KCNQ1OT1: variants seen among roughly 807,000 people sequenced by gnomAD.
KCNQ1OT1 encodes KCNQ1 opposite strand/antisense transcript 1.
In KCNQ1OT1 at chr11:2,642,757, A is replaced by G. The variant is rs1849599814; in HGVS notation, n.57238T>C. On this transcript the variant is annotated non_coding_transcript_exon_variant, in exon 1 of 1. Coordinates refer to ENST00000597346, the Ensembl canonical transcript of KCNQ1OT1. This position sits in a 1 kb window ranked among gnomAD's most constrained non-coding sequence, Gnocchi z 4.3. The stretch of plus-strand genomic sequence containing the variant: ...CTGGTTCCTTCAGGTGTATCATTAG[A>G]TTATTTAAGATCTTTTCTACCTTTT... 2.5e-6 allele frequency: 1 copy of G among 397,398 alleles called. No homozygotes were observed. The highest frequency in any genetic ancestry group is 4.4e-6 in the Non-Finnish European group (1 of 225,558). The allele number at this position is 397,398 out of a possible 1,614,324, so 24.6% of individuals were successfully genotyped here.
At chr11:2,634,096 G>A in exon 1 of KCNQ1OT1, 1 of 394,256 alleles carries the variant, frequency 2.5e-6, no homozygotes, top group Non-Finnish European at 4.4e-6. Flanking sequence ...CAAGTTTAAG[G>A]ATTGTGTTTT....
chr11:2,675,821 C>T, exon 1 of KCNQ1OT1: 2 of 398,722 alleles, frequency 5.0e-6, no homozygotes, highest in Non-Finnish European at 8.8e-6. Context: ...TGCAGGGCTG[C>T]ACACTGCCCT....
Position 2,699,012 on chromosome 11 carries a change from A to G in KCNQ1OT1, n.983T>C, listed in dbSNP as rs1850725299. ...CCGATCCTAATTCGGGCCCTGACTC[A>G]GAACCACTAAGTGGATTTCCGACTC... On this transcript the variant is annotated non_coding_transcript_exon_variant, in exon 1 of 1. Coordinates refer to ENST00000597346, the Ensembl canonical transcript of KCNQ1OT1. 7 of 398,636 alleles carry G rather than the reference A, an allele frequency of 1.8e-5. No homozygotes were observed. In the East Asian group the frequency reaches 2.5e-4, roughly 14 times the overall value. The allele number at this position is 398,636 out of a possible 1,614,324, so 24.7% of individuals were successfully genotyped here.
In KCNQ1OT1 at chr11:2,669,861, A is replaced by G. The variant is rs1023958852; in HGVS notation, n.30134T>C. ...CATGGGATACAAATGGGGTCACAAC[A>G]TATGGCTGTCAGCTGCTGTCCTTAA... On this transcript the variant is annotated non_coding_transcript_exon_variant, in exon 1 of 1. Transcript: ENST00000597346. This position sits in a 1 kb window ranked among gnomAD's most constrained non-coding sequence, Gnocchi z 5.6. 7.5e-6 allele frequency: 3 copies of G among 398,544 alleles called. No individual in the cohort carries two copies. Among genetic ancestry groups the G allele is most frequent in the African/African-American group, 2.1e-5 (1 of 48,644 alleles). 24.7% of individuals were successfully genotyped at this position (398,544 alleles called of 1,614,324 possible). A position where few individuals can be genotyped will look rare whatever the true frequency, so the allele number is the denominator to read the frequency against.
At chr11:2,632,876 A>G in exon 1 of KCNQ1OT1, 1 of 398,472 alleles carries the variant, frequency 2.5e-6, no homozygotes, top group Non-Finnish European at 4.4e-6. Context: ...ACTGCAATAA[A>G]CATGAGAATG....
At position 2,678,615 on chromosome 11, in the gene KCNQ1OT1, A is replaced by G. The variant is rs1422212982; in HGVS notation, n.21380T>C. The G allele has an allele frequency of 2.0e-5, 8 of 398,332 alleles. No homozygotes were observed. Among genetic ancestry groups the G allele is most frequent in the Admixed American group, 4.4e-5 (1 of 22,692 alleles). 24.7% of individuals were successfully genotyped at this position (398,332 alleles called of 1,614,324 possible). A position where few individuals can be genotyped will look rare whatever the true frequency, so the allele number is the denominator to read the frequency against. ...TGTAGCAGGACTCCCCCTCATCTCC[A>G]TTACTTAAGAGCCAATAATGGGAAG... is the stretch of plus-strand genomic sequence containing the variant. On this transcript the variant is annotated non_coding_transcript_exon_variant, in exon 1 of 1. Coordinates refer to ENST00000597346, the Ensembl canonical transcript of KCNQ1OT1. The surrounding 1 kb of genome is among the most constrained non-coding windows in gnomAD (Gnocchi z 4.9).
exon 1 of KCNQ1OT1, chr11:2,616,099 G>A (rs1300876361): frequency 2.0e-5 from 8 of 397,748 alleles, no homozygotes; most frequent in African/African-American, 8.2e-5. Flanking sequence ...TTGTGAATTC[G>A]TCCATCTTAT....
exon 1 of KCNQ1OT1, chr11:2,646,889 G>A: frequency 2.5e-6 from 1 of 398,526 alleles, no homozygotes. Context: ...AAAAGATTTT[G>A]GTGGAATCTT....
exon 1 of KCNQ1OT1, chr11:2,672,088 C>A: frequency 2.5e-6 from 1 of 398,728 alleles, no homozygotes; most frequent in Non-Finnish European, 4.4e-6. Flanking sequence ...GACTGAGCAG[C>A]TGTCTTCTGC....
rs539625801 is a variant in KCNQ1OT1 at position 2,677,565 on chromosome 11, T to C, written n.22430A>G. 26 of 398,630 alleles carry C rather than the reference T, an allele frequency of 6.5e-5. No homozygotes were observed. The South Asian group carries it at 3.1e-3, about 47-fold the overall frequency. 24.7% of individuals were successfully genotyped at this position (398,630 alleles called of 1,614,324 possible). Reference sequence around the variant, plus strand: ...AAAGATGCCCTCAGATGTTACCATATAATGCTTTACAAAAGACAAACCAAA... The same window carrying C: ...AAAGATGCCCTCAGATGTTACCATACAATGCTTTACAAAAGACAAACCAAA... On this transcript the variant is annotated non_coding_transcript_exon_variant, in exon 1 of 1. Coordinates refer to ENST00000597346, the Ensembl canonical transcript of KCNQ1OT1. This position sits in a 1 kb window ranked among gnomAD's most constrained non-coding sequence, Gnocchi z 4.5.
exon 1 of KCNQ1OT1, chr11:2,649,761 G>A (rs75662585): frequency 2.5e-5 from 10 of 398,340 alleles, no homozygotes; most frequent in African/African-American, 1.0e-4. Flanking sequence ...TGATGAAAAT[G>A]TGCCTCAGAG....
In KCNQ1OT1 at chr11:2,622,477, A is replaced by G. The variant is rs151229755; in HGVS notation, n.77518T>C. The G allele has an allele frequency of 2.6e-4, 104 of 398,368 alleles. No individual in the cohort carries two copies. The highest frequency in any genetic ancestry group is 1.3e-3 in the Middle Eastern group (2 of 1,584). The allele number at this position is 398,368 out of a possible 1,614,324, so 24.7% of individuals were successfully genotyped here. On this transcript the variant is annotated non_coding_transcript_exon_variant, in exon 1 of 1. Transcript: ENST00000597346. ...AGTTTGTTATATACAGCATAGGTTG[A>G]TGGTTTTCTTTTAAATCCATTCTGC... is the stretch of plus-strand genomic sequence containing the variant.
In KCNQ1OT1 at chr11:2,616,951, T is replaced by C. The variant is rs1457089118; in HGVS notation, n.83044A>G. The stretch of plus-strand genomic sequence containing the variant: ...TATTGGGCTTCTGTCTGGCTGTACA[T>C]TATCTTGTTGTGTTTTTTTTTTTTA... On this transcript the variant is annotated non_coding_transcript_exon_variant, in exon 1 of 1. Transcript: ENST00000597346. The C allele has an allele frequency of 3.1e-5, 12 of 381,194 alleles. No individual in the cohort carries two copies. The Admixed American group carries it at 4.5e-4, about 14-fold the overall frequency. 23.6% of individuals were successfully genotyped at this position (381,194 alleles called of 1,614,324 possible).
At chr11:2,685,489 C>T (rs1850471644) in exon 1 of KCNQ1OT1, 1 of 398,750 alleles carries the variant, frequency 2.5e-6, no homozygotes, top group Admixed American at 4.4e-5. Context: ...AGGCCACCAG[C>T]AAGTTGCTCA....
At chr11:2,685,062 G>A in exon 1 of KCNQ1OT1, 1 of 398,624 alleles carries the variant, frequency 2.5e-6, no homozygotes, top group Admixed American at 4.4e-5. Context: ...AAATGTATGG[G>A]ACAGCCTGTG....
rs897670723 is a variant in KCNQ1OT1 at position 2,676,620 on chromosome 11, G to A, written n.23375C>T. The A allele has an allele frequency of 3.5e-5, 14 of 398,568 alleles. No individual in the cohort carries two copies. The highest frequency in any genetic ancestry group is 3.2e-4 in the East Asian group (9 of 28,076). The allele number at this position is 398,568 out of a possible 1,614,324, so 24.7% of individuals were successfully genotyped here. ...TCTCCAAAGAGGCCTCTAAGAAATG[G>A]GTAGCTTCACAGATTCACAGATAGA... On this transcript the variant is annotated non_coding_transcript_exon_variant, in exon 1 of 1. Coordinates refer to ENST00000597346, the Ensembl canonical transcript of KCNQ1OT1. The surrounding 1 kb of genome is among the most constrained non-coding windows in gnomAD (Gnocchi z 4.2).
chr11:2,680,877 A>AGGTTAT, exon 1 of KCNQ1OT1: 1 of 398,512 alleles, frequency 2.5e-6, no homozygotes, highest in East Asian at 3.6e-5. Flanking sequence ...AGATTCACCC[A>AGGTTAT]GGTTATTGTG....
exon 1 of KCNQ1OT1, chr11:2,680,477 T>G (rs1850377310): frequency 5.0e-6 from 2 of 398,586 alleles, no homozygotes; most frequent in Non-Finnish European, 8.8e-6. Flanking sequence ...ACTGATTTTT[T>G]TTTAATTTGG....
At chr11:2,634,329 C>G (rs1001045817) in exon 1 of KCNQ1OT1, 1 of 199,262 alleles carries the variant, frequency 5.0e-6, no homozygotes, top group African/African-American at 3.3e-5. Context: ...CTCCCCCCTC[C>G]CCCCCCACCC....
Sources: allele counts gnomAD v4.1 joint callset, GRCh38; gene constraint gnomAD v4.1.1; non-coding constraint Gnocchi (gnomAD v3.1); transcripts MANE v1.5; gene names NCBI Gene and HGNC (gene_info 2026-07-23, HGNC 2026-07-21).